Variants in TASP1 observed in about 807,000 individuals in gnomAD.
The protein encoded by TASP1 is threonine aspartase 1.
Under a neutral mutation model 56.6 loss-of-function variants are expected in TASP1, and 16 were observed. The ratio of observed to expected loss-of-function variants is 0.28; its 90% CI spans 0.19 to 0.43. The LOEUF is 0.43. Ranked by LOEUF, TASP1 falls within the 20% of genes least tolerant of loss-of-function variation. TASP1 has a pLI of 1.00. For synonymous variants in TASP1, 179 were observed against 184.2 expected, an observed-to-expected ratio of 0.97 and a Z score of 0.23; for missense variants, 393 against 511.6, an observed-to-expected ratio of 0.77 and a Z score of 2.24.
At chr20:13,177,810 AG>A in the TASP1 span, among the ~76,000 whole-genome samples, 1 of 152,204 alleles carries the variant, frequency 6.6e-6, no homozygotes, top group African/African-American at 2.4e-5. Context: ...CAAAACTGCT[AG>A]AAGAAAACAT....
chr20:13,171,455 G>T, the TASP1 span, among the ~76,000 whole-genome samples: 1 of 152,136 alleles, frequency 6.6e-6, no homozygotes, highest in Non-Finnish European at 1.5e-5. Flanking sequence ...TTTAAGCGAT[G>T]TATTAATGAG....
the TASP1 span, among the ~76,000 whole-genome samples, chr20:13,169,573 G>A: frequency 0.02 from 3,001 of 152,292 alleles, 56 homozygotes; most frequent in South Asian, 0.03. Flanking sequence ...TATCAGTAGA[G>A]GTGTGGGGCC....
At position 13,564,728 on chromosome 20, in the gene TASP1, G is replaced by A. The variant is rs143561960; in HGVS notation, c.568+4779C>T. 3.2e-4 allele frequency among the ~76,000 whole-genome samples: 49 copies of A among 152,084 alleles called. 1 individual carries two copies. Among genetic ancestry groups the A allele is most frequent in the East Asian group, 3.9e-4 (2 of 5,172 alleles). On this transcript the variant is annotated intron_variant, in intron 7 of 13. Transcript: ENST00000337743. ...AATCAAAACAGTATGGAGGCTGGGC[G>A]TGGTGGCTCACACCTGTAATCCCAG...
intron 11 of TASP1, among the ~76,000 whole-genome samples, chr20:13,476,745 A>T (rs2042962137): frequency 6.6e-6 from 1 of 152,152 alleles, no homozygotes; most frequent in East Asian, 1.9e-4. Flanking sequence ...ATTAGTGGCA[A>T]ATATTGCCCA....
the TASP1 span, among the ~76,000 whole-genome samples, chr20:13,127,966 T>C: frequency 6.6e-6 from 1 of 152,220 alleles, no homozygotes; most frequent in Admixed American, 6.5e-5. Context: ...CCTGTGATAC[T>C]ATTCACTCGT....
At chr20:13,129,336 C>T in the TASP1 span, among the ~76,000 whole-genome samples, 1 of 152,268 alleles carries the variant, frequency 6.6e-6, no homozygotes, top group African/African-American at 2.4e-5. Context: ...AACATTGAAG[C>T]GAGATAGAGT....
intron 11 of TASP1, among the ~76,000 whole-genome samples, chr20:13,450,554 A>T (rs1340800338): frequency 3.3e-5 from 5 of 152,110 alleles, no homozygotes; most frequent in Non-Finnish European, 5.9e-5. Context: ...ATTTCATCTC[A>T]AGAAATCACT....
chr20:13,536,201 C>G (rs1319174208), intron 8 of TASP1, among the ~76,000 whole-genome samples: 1 of 152,056 alleles, frequency 6.6e-6, no homozygotes, highest in African/African-American at 2.4e-5. Context: ...TGGGAACTAT[C>G]CAAGACTGTA....
At chr20:13,436,360 AAAG>A (rs372128292) in intron 11 of TASP1, among the ~76,000 whole-genome samples, 1 of 151,954 alleles carries the variant, frequency 6.6e-6, no homozygotes, top group Non-Finnish European at 1.5e-5. Context: ...AAAAAAAAAA[AAAG>A]GAGGAGGAGG....
intron 9 of TASP1, among the ~76,000 whole-genome samples, chr20:13,532,897 T>C (rs1189817589): frequency 2.6e-5 from 4 of 152,180 alleles, no homozygotes; most frequent in East Asian, 1.9e-4. Context: ...TGTAGAAAAA[T>C]ACCATGACCA....
intron 12 of TASP1, among the ~76,000 whole-genome samples, chr20:13,429,656 C>T (rs1318951537): frequency 6.8e-6 from 1 of 147,684 alleles, no homozygotes; most frequent in Non-Finnish European, 1.5e-5. Context: ...GTGTGCCTGT[C>T]TGTGTGTGTG....
At chr20:13,331,190 G>A in the TASP1 span, among the ~76,000 whole-genome samples, 1 of 152,042 alleles carries the variant, frequency 6.6e-6, no homozygotes, top group Admixed American at 6.6e-5. Context: ...ATTTTGATAT[G>A]TTGTATTTTT....
At chr20:13,270,416 C>G in the TASP1 span, 1 of 1,434,966 alleles carries the variant, frequency 7.0e-7, no homozygotes, top group Non-Finnish European at 9.4e-7. Context: ...TGGAATTGTC[C>G]TTGCTCCTGA....
intron 10 of TASP1, among the ~76,000 whole-genome samples, chr20:13,524,086 T>C (rs905925880): frequency 6.6e-5 from 10 of 151,838 alleles, no homozygotes; most frequent in African/African-American, 2.4e-4. Context: ...GAGTCCAAGG[T>C]TGCAATGAGC....
At chr20:13,334,572 C>T in the TASP1 span, among the ~76,000 whole-genome samples, 2 of 152,124 alleles carry the variant, frequency 1.3e-5, no homozygotes, top group Middle Eastern at 3.4e-3. Context: ...TACTAAATAA[C>T]CAAGATTATT....
chr20:13,353,400 A>T, the TASP1 span, among the ~76,000 whole-genome samples: 1 of 152,130 alleles, frequency 6.6e-6, no homozygotes, highest in Non-Finnish European at 1.5e-5. Flanking sequence ...AATTTGGCTC[A>T]CCTTCATTTA....
chr20:13,288,165 CTCTCTCTT>C, the TASP1 span, among the ~76,000 whole-genome samples: 3 of 152,210 alleles, frequency 2.0e-5, no homozygotes, highest in Non-Finnish European at 4.4e-5. Flanking sequence ...ATTCTCCTCT[CTCTCTCTT>C]TCTCTCTGTA....
the TASP1 span, among the ~76,000 whole-genome samples, chr20:13,234,020 C>T: frequency 6.6e-5 from 10 of 152,068 alleles, no homozygotes; most frequent in African/African-American, 2.4e-4. Context: ...TTCTTAGGTG[C>T]GTATATTGTG....
the TASP1 span, chr20:13,159,989 T>C: frequency 6.5e-7 from 1 of 1,531,618 alleles, no homozygotes; most frequent in African/African-American, 1.4e-5. Flanking sequence ...TTTCTTTTTT[T>C]GCTTTTCCTT....
Sources: allele counts gnomAD v4.1 joint callset (sites outside exome capture counted in the v4.1 genomes callset), GRCh38; gene constraint gnomAD v4.1.1; transcripts MANE v1.5; gene names NCBI Gene and HGNC (gene_info 2026-07-23, HGNC 2026-07-21).